The following HLA-DRB1 variants were observed in gnomAD, a reference collection of about 807,000 sequenced individuals.
The protein encoded by HLA-DRB1 is major histocompatibility complex, class II, DR beta 1 precursor.
A neutral mutation model predicts 27.9 loss-of-function variants in HLA-DRB1; 10 were observed. That is an observed-to-expected ratio of 0.36 (90% CI 0.22 to 0.61). The LOEUF is 0.61. Ranked by LOEUF, HLA-DRB1 falls within the 20% of genes least tolerant of loss-of-function variation. The pLI, the probability that HLA-DRB1 is intolerant of heterozygous loss-of-function variation, is 0.73. For synonymous variants in HLA-DRB1, 57 were observed against 126.7 expected (o/e 0.45, Z 3.69); for missense variants, 118 against 306.3 (o/e 0.39, Z 4.59).
chr6:32,582,456 G>A (rs7765659), intron 2 of HLA-DRB1, among the ~76,000 whole-genome samples: 22,842 of 93,066 alleles, frequency 0.25, 3,597 homozygotes, highest in Middle Eastern at 0.39. Flanking sequence ...AAAGCAATAT[G>A]CATAGATAAA....
chr6:32,585,635 T>C, intron 1 of HLA-DRB1, among the ~76,000 whole-genome samples: 1 of 139,364 alleles, frequency 7.2e-6, no homozygotes, highest in East Asian at 2.2e-4. Flanking sequence ...TCTTCTGTTC[T>C]TCTATTAGTT....
intron 2 of HLA-DRB1, among the ~76,000 whole-genome samples, 191 bp from the exon 3 acceptor site, chr6:32,582,029 AGGT>A (rs200474978): frequency 0.32 from 36,455 of 113,660 alleles, 6,745 homozygotes; most frequent in Middle Eastern, 0.49. Context: ...TAGATTTGAG[AGGT>A]GTTGTGAAAA....
At position 32,579,829 on chromosome 6, in the gene HLA-DRB1, C is replaced by T. The variant is rs1441986491; in HGVS notation, c.787+418G>A. On this transcript the variant is annotated intron_variant, in intron 5 of 5. Transcript: ENST00000360004. ...ATTTAGAAACCTCTTGTAGGCCGGG[C>T]GCGGTGGCTCACGCCTGTAATCCCA... 1.2e-4 allele frequency among the ~76,000 whole-genome samples: 4 copies of T among 34,496 alleles called. 1 individual carries two copies. The highest frequency in any genetic ancestry group is 4.1e-4 in the African/African-American group (4 of 9,748). 22.6% of individuals were successfully genotyped at this position (34,496 alleles called of 152,430 possible).
chr6:32,584,537 G>A (rs1476867261), intron 1 of HLA-DRB1, among the ~76,000 whole-genome samples, 159 bp from the exon 2 acceptor site: 29 of 151,498 alleles, frequency 1.9e-4, no homozygotes, highest in African/African-American at 6.8e-4. Flanking sequence ...CTCATCCTCC[G>A]TCTTCCTGAG....
chr6:32,585,365 C>T (rs9270022), intron 1 of HLA-DRB1, among the ~76,000 whole-genome samples: 59,927 of 81,194 alleles, frequency 0.74, 24,988 homozygotes, highest in Admixed American at 0.78. Flanking sequence ...AATAAAAACA[C>T]GATCTCTTCT....
At chr6:32,583,269 C>A in intron 2 of HLA-DRB1, among the ~76,000 whole-genome samples, 1 of 48,816 alleles carries the variant, frequency 2.0e-5, no homozygotes, top group Non-Finnish European at 4.1e-5. Context: ...AAAAATTAAC[C>A]AGAAACACAC....
At chr6:32,581,192 G>A (rs1387790098) in intron 3 of HLA-DRB1, among the ~76,000 whole-genome samples, 16 of 84,590 alleles carry the variant, frequency 1.9e-4, no homozygotes, top group Non-Finnish European at 3.3e-4. Context: ...TGTCAGGTAG[G>A]CCCCTACACT....
chr6:32,589,827 A>C (rs1777128047), exon 1 of HLA-DRB1: 2 of 340,954 alleles, frequency 5.9e-6, no homozygotes, highest in Non-Finnish European at 9.3e-6. Context: ...CCCACATTCC[A>C]AGTTATAGGG....
intron 3 of HLA-DRB1, 141 bp from the exon 4 acceptor site, chr6:32,580,997 A>G (rs1775378295): frequency 6.4e-5 from 37 of 578,048 alleles, no homozygotes; most frequent in Non-Finnish European, 8.9e-5. Context: ...GGAGAAAAAA[A>G]GGATTTCAAA....
chr6:32,582,925 C>A (rs9269868), intron 2 of HLA-DRB1, among the ~76,000 whole-genome samples: 99,723 of 128,246 alleles, frequency 0.78, 38,692 homozygotes, highest in Middle Eastern at 0.86. Context: ...TGGCAGATTT[C>A]AGATGGATTG....
Position 32,579,467 on chromosome 6 carries a change from A to G in HLA-DRB1, c.788-363T>C, listed in dbSNP as rs9269712. Among the ~76,000 whole-genome samples the G allele has an allele frequency of 4.5e-4, 23 of 50,774 alleles. 11 individuals carry two copies. The highest frequency in any genetic ancestry group is 2.0e-3 in the African/African-American group (23 of 11,618). The allele number at this position is 50,774 out of a possible 152,430, so 33.3% of individuals were successfully genotyped here. A position where few individuals can be genotyped will look rare whatever the true frequency, so the allele number is the denominator to read the frequency against. On this transcript the variant is annotated intron_variant, in intron 5 of 5. Transcript: ENST00000360004. Reference sequence around the variant, plus strand: ...CAGCTCTTAAAGGCGGCAGGGATCCAAAGAGTGGGCAGCAGCAAGATTTAT... The same window carrying G: ...CAGCTCTTAAAGGCGGCAGGGATCCGAAGAGTGGGCAGCAGCAAGATTTAT...
intron 1 of HLA-DRB1, among the ~76,000 whole-genome samples, chr6:32,584,703 G>GGCTT (rs1554127401): frequency 9.5e-6 from 1 of 105,492 alleles, no homozygotes; most frequent in African/African-American, 4.2e-5. Context: ...CCTCCTGGGA[G>GGCTT]CCCCAAAGAC....
At chr6:32,582,655 G>A (rs551883384) in intron 2 of HLA-DRB1, among the ~76,000 whole-genome samples, 1,366 of 96,824 alleles carry the variant, frequency 0.014, 117 homozygotes, top group South Asian at 0.046. Flanking sequence ...ATTAGGGAAC[G>A]TCATTTAAGT....
intron 1 of HLA-DRB1, 75 bp from the exon 2 acceptor site, chr6:32,584,453 C>A: frequency 1.5e-6 from 1 of 665,822 alleles, no homozygotes; most frequent in South Asian, 1.8e-5. Context: ...CCATCCGGGG[C>A]TCCCTGAGCG....
Position 32,580,936 on chromosome 6 carries a change from A to C in HLA-DRB1, c.653-80T>G, listed in dbSNP as rs576010207. 1.6e-4 allele frequency: 160 copies of C among 1,007,392 alleles called. 10 individuals are homozygous for C. Among genetic ancestry groups the C allele is most frequent in the Non-Finnish European group, 1.8e-4 (129 of 712,442 alleles). The allele number at this position is 1,007,392 out of a possible 1,614,324, so 62.4% of individuals were successfully genotyped here. On this transcript the variant is annotated intron_variant, in intron 3 of 5. Transcript: ENST00000360004. The stretch of plus-strand genomic sequence containing the variant: ...TGAGACTCTAAGATTTAGAGCTTTG[A>C]AAATGGGGCAGAAAGCTGCCTCACA...
At chr6:32,586,002 T>G (rs1408911259) in intron 1 of HLA-DRB1, among the ~76,000 whole-genome samples, 2 of 118,946 alleles carry the variant, frequency 1.7e-5, no homozygotes, top group Non-Finnish European at 3.5e-5. Flanking sequence ...CACTCCATTC[T>G]CATGACCTAG....
chr6:32,582,956 T>C (rs35063846), intron 2 of HLA-DRB1, among the ~76,000 whole-genome samples: 32,310 of 133,540 alleles, frequency 0.24, 3,186 homozygotes, highest in East Asian at 0.33. Context: ...ATAAAAATGT[T>C]GCAATATATT....
In HLA-DRB1 at chr6:32,582,341, G is replaced by T. The variant is rs9269837; in HGVS notation, c.371-503C>A. Among the ~76,000 whole-genome samples, 614 of 119,098 alleles carry T rather than the reference G, an allele frequency of 5.2e-3. 4 individuals carry two copies. The highest frequency in any genetic ancestry group is 0.035 in the Middle Eastern group (7 of 200). The allele number at this position is 119,098 out of a possible 152,430, so 78.1% of individuals were successfully genotyped here. ...AGATAGCCTTCAGTTTATGAGGTCAGAAAGCTTCTCACTCCATTCCACTGT... is the reference window on the plus strand; with the variant it reads ...AGATAGCCTTCAGTTTATGAGGTCATAAAGCTTCTCACTCCATTCCACTGT... On this transcript the variant is annotated intron_variant, in intron 2 of 5. Transcript: ENST00000360004.
At chr6:32,585,819 G>A (rs1365126337) in intron 1 of HLA-DRB1, among the ~76,000 whole-genome samples, 1 of 145,656 alleles carries the variant, frequency 6.9e-6, no homozygotes, top group African/African-American at 2.6e-5. Context: ...GTAATACTGG[G>A]TGTTACTTAT....
Sources: gnomAD v4.1 joint callset for allele counts (sites outside exome capture counted in the v4.1 genomes callset) on GRCh38, gnomAD v4.1.1 for gene constraint, MANE v1.5 for transcripts, NCBI Gene and HGNC (gene_info 2026-07-23, HGNC 2026-07-21) for gene names.